Variants in DOCK4 observed in about 807,000 individuals in gnomAD.
DOCK4 encodes dedicator of cytokinesis 4, also known as dedicator of cytokinesis protein 4.
A neutral mutation model predicts 268.1 loss-of-function variants in DOCK4; 97 were observed. That is an observed-to-expected ratio of 0.36 (90% CI 0.31 to 0.43). The LOEUF is 0.43. Ranked by LOEUF, DOCK4 falls within the 20% of genes least tolerant of loss-of-function variation. The probability of loss-of-function intolerance (pLI) is 1.00; values close to 1 mark genes in which losing one functional copy is unlikely to be tolerated. For synonymous variants in DOCK4, 954 were observed against 887.2 expected (o/e 1.08, Z -1.34); for missense variants, 2,145 against 2,455.7 (o/e 0.87, Z 2.67).
At chr7:111,919,626 G>A (rs144360879) in intron 12 of DOCK4, among the ~76,000 whole-genome samples, 1 of 152,334 alleles carries the variant, frequency 6.6e-6, no homozygotes, top group Non-Finnish European at 1.5e-5. Flanking sequence ...TGGGGGTTGA[G>A]GGGGAGGGCA....
At chr7:111,791,276 TAC>T (rs147004808) in intron 30 of DOCK4, among the ~76,000 whole-genome samples, 1,816 of 134,732 alleles carry the variant, frequency 0.013, 22 homozygotes, top group Middle Eastern at 0.04. Flanking sequence ...ATTTAAAAAA[TAC>T]ACACACACAC....
chr7:112,081,052 C>G (rs1808536845), intron 1 of DOCK4, among the ~76,000 whole-genome samples: 1 of 151,922 alleles, frequency 6.6e-6, no homozygotes, highest in South Asian at 2.1e-4. Flanking sequence ...GCCCACAGGC[C>G]ACGGATAGGA....
At chr7:112,003,539 T>C (rs1459829289) in intron 2 of DOCK4, among the ~76,000 whole-genome samples, 2 of 152,228 alleles carry the variant, frequency 1.3e-5, no homozygotes, top group Non-Finnish European at 2.9e-5. Flanking sequence ...TTAATAATCA[T>C]CATACAAAGT....
intron 1 of DOCK4, among the ~76,000 whole-genome samples, chr7:112,194,745 A>G (rs1444444645): frequency 1.3e-5 from 2 of 152,204 alleles, no homozygotes; most frequent in Non-Finnish European, 2.9e-5. Flanking sequence ...CATCTCCTCA[A>G]TTATAATAAT....
At chr7:111,815,538 T>A (rs1192306112) in intron 27 of DOCK4, among the ~76,000 whole-genome samples, 5 of 152,162 alleles carry the variant, frequency 3.3e-5, no homozygotes, top group Non-Finnish European at 7.3e-5. Context: ...GTGCTCCAAC[T>A]CAATAGTCAA....
intron 23 of DOCK4, among the ~76,000 whole-genome samples, chr7:111,849,146 T>A (rs917285264): frequency 6.6e-6 from 1 of 152,228 alleles, no homozygotes; most frequent in Admixed American, 6.5e-5. Context: ...CCTTTGTTAC[T>A]TTGTGAGTTT....
At chr7:112,034,392 A>G (rs1338575955) in intron 1 of DOCK4, among the ~76,000 whole-genome samples, 6 of 152,202 alleles carry the variant, frequency 3.9e-5, no homozygotes, top group African/African-American at 1.4e-4. Flanking sequence ...TAATGAGGAA[A>G]AAGGATCAGC....
intron 5 of DOCK4, among the ~76,000 whole-genome samples, chr7:111,991,653 T>C (rs907262947): frequency 1.3e-5 from 2 of 151,964 alleles, no homozygotes; most frequent in Non-Finnish European, 2.9e-5. Context: ...TTATCATTGA[T>C]AAGATTCAAG....
chr7:111,860,662 C>T (rs774943234), intron 23 of DOCK4, among the ~76,000 whole-genome samples: 1 of 152,174 alleles, frequency 6.6e-6, no homozygotes, highest in Non-Finnish European at 1.5e-5. Flanking sequence ...TGGCCCTGAG[C>T]CTCTCTTCCA....
intron 1 of DOCK4, among the ~76,000 whole-genome samples, chr7:112,153,462 A>G (rs527867571): frequency 5.3e-5 from 8 of 152,304 alleles, no homozygotes; most frequent in Admixed American, 2.0e-4. Context: ...GGAGGCTCAT[A>G]CTCTGAGATG....
intron 1 of DOCK4, among the ~76,000 whole-genome samples, chr7:112,098,348 T>G (rs1810343039): frequency 6.6e-6 from 1 of 151,880 alleles, no homozygotes; most frequent in African/African-American, 2.4e-5. Context: ...CCGAGTAACT[T>G]TTGTATTTTT....
chr7:111,732,553 C>T, intron 51 of DOCK4: 1 of 493,602 alleles, frequency 2.0e-6, no homozygotes, highest in East Asian at 3.6e-5. Flanking sequence ...GGTTCCCAAA[C>T]TGATCCAATG....
intron 1 of DOCK4, among the ~76,000 whole-genome samples, chr7:112,183,852 C>G (rs1343410251): frequency 5.3e-5 from 8 of 152,150 alleles, no homozygotes; most frequent in Non-Finnish European, 1.2e-4. Context: ...TTTAGGCTTC[C>G]TTGCCTTTGC....
intron 1 of DOCK4, among the ~76,000 whole-genome samples, chr7:112,165,319 C>T (rs770552749): frequency 2.7e-4 from 41 of 151,052 alleles, no homozygotes; most frequent in Non-Finnish European, 4.6e-4. Context: ...CTCTCCCTTC[C>T]ACTCATCTTT....
chr7:111,955,185 C>A (rs1210773177), intron 8 of DOCK4, among the ~76,000 whole-genome samples: 1 of 152,084 alleles, frequency 6.6e-6, no homozygotes, highest in African/African-American at 2.4e-5. Context: ...TAAATGAAAG[C>A]AACTTCTCAA....
chr7:112,044,497 T>C (rs370593534), intron 1 of DOCK4, among the ~76,000 whole-genome samples: 1 of 152,196 alleles, frequency 6.6e-6, no homozygotes. Flanking sequence ...TATGTCTTAG[T>C]AAATTTTTAT....
At chr7:111,809,211 C>T in intron 29 of DOCK4, 90 bp downstream of exon 29, 1 of 1,077,166 alleles carries the variant, frequency 9.3e-7, no homozygotes, top group Non-Finnish European at 1.4e-6. Flanking sequence ...TGTGTGATTT[C>T]CAGTTATGCG....
At chr7:112,196,919 G>A (rs191414588) in intron 1 of DOCK4, among the ~76,000 whole-genome samples, 88 of 151,878 alleles carry the variant, frequency 5.8e-4, no homozygotes, top group African/African-American at 2.0e-3. Context: ...TTTTTTTCCT[G>A]TAGTGAGAAT....
intron 1 of DOCK4, among the ~76,000 whole-genome samples, chr7:112,110,551 T>C (rs453): frequency 0.72 from 109,952 of 152,148 alleles, 40,062 homozygotes; most frequent in African/African-American, 0.82. Flanking sequence ...GATCTTCAGG[T>C]CACATTCATC....
Sources: allele counts gnomAD v4.1 joint callset (sites outside exome capture counted in the v4.1 genomes callset), GRCh38; gene constraint gnomAD v4.1.1; transcripts MANE v1.5; gene names NCBI Gene and HGNC (gene_info 2026-07-23, HGNC 2026-07-21).